MELK: variants seen among roughly 807,000 people sequenced by gnomAD.
MELK encodes maternal embryonic leucine zipper kinase, also known as pEg3 kinase.
In MELK, 81 loss-of-function variants were observed where a neutral mutation model predicts 85.0. The observed-to-expected ratio is 0.95, with a 90% confidence interval of 0.80 to 1.15. The LOEUF (loss-of-function observed/expected upper bound fraction) is 1.15. MELK is among the 50% of genes most tolerant of loss of function. The probability of loss-of-function intolerance (pLI) is 0.00; values close to 1 mark genes in which losing one functional copy is unlikely to be tolerated. For missense variants in MELK, 754 were observed against 777.5 expected, an observed-to-expected ratio of 0.97 and a Z score of 0.36; for synonymous variants, 252 against 265.0, an observed-to-expected ratio of 0.95 and a Z score of 0.48.
chr9:36,655,490 G>A (rs1831157383), intron 12 of MELK, among the ~76,000 whole-genome samples: 1 of 151,808 alleles, frequency 6.6e-6, no homozygotes, highest in Non-Finnish European at 1.5e-5. Flanking sequence ...ACGCAAGTGA[G>A]CTGGAAGGGT....
chr9:36,589,737 A>G, intron 4 of MELK, 85 bp downstream of exon 4: 1 of 1,004,968 alleles, frequency 1.0e-6, no homozygotes, highest in Non-Finnish European at 1.5e-6. Context: ...CTGAAAGATT[A>G]GAAGAGATGT....
chr9:36,607,684 C>A lies in MELK; in HGVS notation c.666+11C>A, dbSNP rs753597934. ...TACAAGAAGATTATGGTGAGTATTA[C>A]AAGGCATAGAATTTCAATGTAGAAC... On this transcript the variant is annotated intron_variant, in intron 8 of 17. Transcript: ENST00000298048. 1.3e-6 allele frequency: 2 copies of A among 1,543,178 alleles called. No homozygotes were observed. Among genetic ancestry groups the A allele is most frequent in the East Asian group, 2.2e-5 (1 of 44,510 alleles).
At chr9:36,591,659 A>T (rs1157207835) in intron 4 of MELK, among the ~76,000 whole-genome samples, 2 of 152,032 alleles carry the variant, frequency 1.3e-5, no homozygotes, top group Non-Finnish European at 2.9e-5. Flanking sequence ...GGCCGGGTGC[A>T]GTGTCTCGTG....
chr9:36,585,186 T>G (rs931195980), intron 3 of MELK, among the ~76,000 whole-genome samples: 4 of 152,148 alleles, frequency 2.6e-5, no homozygotes, highest in African/African-American at 9.7e-5. Context: ...AAAGTTATTT[T>G]TATGTTGAGA....
At chr9:36,615,128 C>T (rs1826491398) in intron 8 of MELK, among the ~76,000 whole-genome samples, 1 of 146,270 alleles carries the variant, frequency 6.8e-6, no homozygotes, top group Admixed American at 6.6e-5. Context: ...GGGCTCCTCA[C>T]TTCCCAGTAG....
chr9:36,596,830 C>T (rs1824336715), intron 5 of MELK, among the ~76,000 whole-genome samples: 1 of 152,006 alleles, frequency 6.6e-6, no homozygotes, highest in South Asian at 2.1e-4. Flanking sequence ...AGGTGATGTG[C>T]CTGCCTCAGC....
intron 12 of MELK, among the ~76,000 whole-genome samples, chr9:36,655,888 G>C (rs1020369638): frequency 2.0e-5 from 3 of 152,128 alleles, no homozygotes; most frequent in African/African-American, 7.2e-5. Context: ...TGTTTGAATA[G>C]TCTAGGTATG....
chr9:36,618,570 T>A (rs1827087590), intron 8 of MELK, among the ~76,000 whole-genome samples: 1 of 152,170 alleles, frequency 6.6e-6, no homozygotes, highest in Non-Finnish European at 1.5e-5. Flanking sequence ...TAATTAGGTA[T>A]TTTTTTAACT....
intron 4 of MELK, among the ~76,000 whole-genome samples, chr9:36,589,953 G>C (rs771529263): frequency 4.0e-5 from 5 of 124,202 alleles, no homozygotes; most frequent in Admixed American, 9.4e-5. Context: ...ACGGAATTTC[G>C]CTCTGTCGCT....
At chr9:36,613,141 TG>T (rs1826213294) in intron 8 of MELK, among the ~76,000 whole-genome samples, 1 of 152,236 alleles carries the variant, frequency 6.6e-6, no homozygotes, top group Non-Finnish European at 1.5e-5. Flanking sequence ...CCCCTTTTCC[TG>T]GAACACGCTA....
At chr9:36,599,373 T>C (rs1336218733) in intron 6 of MELK, 21 bp from the exon 7 acceptor site, 1 of 1,521,436 alleles carries the variant, frequency 6.6e-7, no homozygotes, top group Non-Finnish European at 9.1e-7. Context: ...TTAATAAGTT[T>C]CATTTTTATC....
In MELK at chr9:36,671,117, C is replaced by T; in HGVS notation, c.1625C>T (p.Thr542Ile). 1 of 1,610,662 alleles carries T rather than the reference C, an allele frequency of 6.2e-7. No individual in the cohort carries two copies. The highest frequency in any genetic ancestry group is 1.1e-5 in the South Asian group (1 of 90,262). Residue 542 changes from threonine to isoleucine, a missense_variant, in exon 16 of 18, where the codon ACC (threonine) becomes ATC (isoleucine). By Grantham distance (89) the Thr-to-Ile change is moderately conservative. Transcript: ENST00000298048. Reference protein sequence around the residue: ...RGLDKVITVLTRSKRKGSARD... With the variant: ...RGLDKVITVLIRSKRKGSARD... ...TTGGATAAGGTTATCACTGTGCTCA[C>T]CAGGAGCAAAAGGAAGGGTTCTGCC...
chr9:36,674,852 A>T lies in MELK; in HGVS notation c.1693A>T (p.Thr565Ser). The change falls in exon 17 of 18, where the codon ACA becomes TCA. Residue 565 changes from threonine (T) to serine (S), a missense_variant. Thr to Ser is a moderately conservative substitution (Grantham distance 58, BLOSUM62 1). Coordinates refer to ENST00000298048, the MANE Select transcript of MELK (RefSeq NM_014791.4). ...TTCTTAGCTTCACTATAACGTGACTACAACTAGATTAGTGAATCCAGATCA... is the reference window on the plus strand; with the variant it reads ...TTCTTAGCTTCACTATAACGTGACTTCAACTAGATTAGTGAATCCAGATCA... The part of the protein sequence containing the change: ...RRLKLHYNVT[T>S]TRLVNPDQLL... 6.3e-7 allele frequency: 1 copy of T among 1,583,664 alleles called. No homozygotes were observed. Among genetic ancestry groups the T allele is most frequent in the Non-Finnish European group, 8.7e-7 (1 of 1,153,392 alleles).
chr9:36,675,067 C>G, intron 17 of MELK, 130 bp downstream of exon 17: 1 of 551,680 alleles, frequency 1.8e-6, no homozygotes, highest in Non-Finnish European at 3.2e-6. Context: ...GGGCAGATCA[C>G]TTGAGGCCAA....
intron 10 of MELK, among the ~76,000 whole-genome samples, chr9:36,634,692 C>G (rs538327924): frequency 1.3e-5 from 2 of 151,118 alleles, no homozygotes; most frequent in Non-Finnish European, 2.9e-5. Flanking sequence ...GGTGACAGAG[C>G]GAGACTCTGT....
intron 8 of MELK, among the ~76,000 whole-genome samples, chr9:36,618,900 A>T (rs1024428129): frequency 6.6e-6 from 1 of 152,206 alleles, no homozygotes; most frequent in Non-Finnish European, 1.5e-5. Flanking sequence ...ATAGATAGAA[A>T]ATTAATATAA....
At chr9:36,654,679 G>A (rs1279238992) in intron 12 of MELK, among the ~76,000 whole-genome samples, 2 of 151,976 alleles carry the variant, frequency 1.3e-5, no homozygotes, top group Non-Finnish European at 2.9e-5. Flanking sequence ...ATCTGAATTG[G>A]CCTGGTCTCA....
chr9:36,626,756 G>T (rs1176925374), intron 8 of MELK, among the ~76,000 whole-genome samples: 4 of 151,930 alleles, frequency 2.6e-5, no homozygotes, highest in Non-Finnish European at 4.4e-5. Flanking sequence ...TCAGTAGTTC[G>T]AGATCAGCCT....
At chr9:36,627,313 A>G (rs1267782128) in intron 8 of MELK, among the ~76,000 whole-genome samples, 1 of 152,128 alleles carries the variant, frequency 6.6e-6, no homozygotes, top group South Asian at 2.1e-4. Flanking sequence ...AGAAGTAATG[A>G]AAGTCCCAGA....
Sources: gnomAD v4.1 joint callset for allele counts (sites outside exome capture counted in the v4.1 genomes callset) on GRCh38, gnomAD v4.1.1 for gene constraint, MANE v1.5 for transcripts, NCBI Gene and HGNC (gene_info 2026-07-23, HGNC 2026-07-21) for gene names.